SAMD5: variants seen among roughly 807,000 people sequenced by gnomAD.
SAMD5 encodes the protein sterile alpha motif domain-containing protein 5.
A neutral mutation model predicts 11.3 loss-of-function variants in SAMD5; 13 were observed. The observed-to-expected ratio is 1.15, with a 90% CI of 0.75 to 1.83. The LOEUF (loss-of-function observed/expected upper bound fraction) is 1.83, where lower values mean the gene tolerates loss of function less well. Among genes scored for constraint, SAMD5 ranks in the 40% most tolerant of loss-of-function variants. SAMD5 has a pLI of 0.00. For synonymous variants in SAMD5, 129 were observed against 111.3 expected (o/e 1.16, Z -1.00); for missense variants, 255 against 239.1 (o/e 1.07, Z -0.44).
chr6:147,692,411 C>T (rs1791116522), intron 1 of SAMD5: 2 of 152,162 alleles, frequency 1.3e-5, no homozygotes. Flanking sequence ...GCCTCATTTT[C>T]TTCTGTCACT....
chr6:147,747,635 C>G, the SAMD5 span, among the ~76,000 whole-genome samples: 1 of 152,126 alleles, frequency 6.6e-6, no homozygotes, highest in Admixed American at 6.5e-5. Flanking sequence ...CTCAGCCTCC[C>G]GTGTAGCTGG....
the SAMD5 span, among the ~76,000 whole-genome samples, chr6:147,869,212 G>A: frequency 6.6e-6 from 1 of 152,188 alleles, no homozygotes; most frequent in Non-Finnish European, 1.5e-5. Context: ...AGCTCTAAAT[G>A]AGGCACGAGT....
intron 1 of SAMD5, among the ~76,000 whole-genome samples, chr6:147,548,281 A>C (rs1788716812): frequency 6.6e-6 from 1 of 152,190 alleles, no homozygotes; most frequent in Non-Finnish European, 1.5e-5. Context: ...TGAATGGTTT[A>C]ATAGTTTTTG....
At chr6:147,538,375 C>T (rs1222387886) in intron 1 of SAMD5, among the ~76,000 whole-genome samples, 1 of 152,126 alleles carries the variant, frequency 6.6e-6, no homozygotes, top group Non-Finnish European at 1.5e-5. Flanking sequence ...ATTATATTCC[C>T]TCTAACAAAA....
At chr6:147,884,708 T>G in the SAMD5 span, among the ~76,000 whole-genome samples, 39 of 152,336 alleles carry the variant, frequency 2.6e-4, no homozygotes, top group African/African-American at 8.9e-4. Context: ...TAATCTTATT[T>G]TAATTTAATT....
the SAMD5 span, among the ~76,000 whole-genome samples, chr6:147,849,292 G>A: frequency 6.6e-6 from 1 of 151,550 alleles, no homozygotes; most frequent in South Asian, 2.1e-4. Flanking sequence ...TCACAGGTAC[G>A]GTTATGTATC....
the SAMD5 span, among the ~76,000 whole-genome samples, chr6:147,823,251 T>C: frequency 1.3e-5 from 2 of 152,232 alleles, no homozygotes; most frequent in East Asian, 3.8e-4. Flanking sequence ...GGCAGATTTC[T>C]GAAAAATACT....
At chr6:147,683,542 T>C (rs1790969171) in intron 1 of SAMD5, among the ~76,000 whole-genome samples, 1 of 152,230 alleles carries the variant, frequency 6.6e-6, no homozygotes, top group Admixed American at 6.5e-5. Context: ...CCTCCTCTTC[T>C]TCCTCCCCTT....
the SAMD5 span, among the ~76,000 whole-genome samples, chr6:147,865,910 C>T: frequency 2.0e-5 from 3 of 152,064 alleles, no homozygotes; most frequent in Middle Eastern, 3.4e-3. Context: ...ATATATTTTC[C>T]AAAGCATATT....
the SAMD5 span, among the ~76,000 whole-genome samples, chr6:147,819,733 G>C: frequency 0.09 from 13,671 of 152,232 alleles, 997 homozygotes; most frequent in African/African-American, 0.2. Context: ...GGGCTCCCCA[G>C]ATCTGTACCT....
At chr6:147,759,026 G>A in the SAMD5 span, among the ~76,000 whole-genome samples, 1 of 152,166 alleles carries the variant, frequency 6.6e-6, no homozygotes, top group South Asian at 2.1e-4. Context: ...AGAGGAATGG[G>A]GTAGGAGCTA....
At chr6:147,884,388 G>A in the SAMD5 span, among the ~76,000 whole-genome samples, 2 of 152,218 alleles carry the variant, frequency 1.3e-5, no homozygotes, top group African/African-American at 4.8e-5. Flanking sequence ...GACACCTGCA[G>A]TTGCAGAGTC....
the SAMD5 span, among the ~76,000 whole-genome samples, chr6:147,885,233 G>A: frequency 6.6e-6 from 1 of 152,084 alleles, no homozygotes; most frequent in Non-Finnish European, 1.5e-5. Context: ...CCAAGGAGGG[G>A]TAGTCATTTG....
chr6:147,645,917 G>T (rs1246874415), intron 1 of SAMD5, among the ~76,000 whole-genome samples: 1 of 152,174 alleles, frequency 6.6e-6, no homozygotes, highest in African/African-American at 2.4e-5. Flanking sequence ...TCATCAGTTT[G>T]TGATAGACTA....
the SAMD5 span, among the ~76,000 whole-genome samples, chr6:147,805,684 A>G: frequency 3.3e-5 from 5 of 152,186 alleles, no homozygotes; most frequent in African/African-American, 1.2e-4. Flanking sequence ...TCTTCCTTTC[A>G]ATAAGCTCAG....
chr6:147,656,651 G>A (rs1446901884), intron 1 of SAMD5, among the ~76,000 whole-genome samples: 1 of 152,140 alleles, frequency 6.6e-6, no homozygotes, highest in African/African-American at 2.4e-5. Flanking sequence ...AAATGAAATT[G>A]GAACAACACC....
At chr6:147,942,912 C>T in the SAMD5 span, among the ~76,000 whole-genome samples, 2 of 151,488 alleles carry the variant, frequency 1.3e-5, no homozygotes, top group Non-Finnish European at 2.9e-5. Flanking sequence ...GCCGCTGCCA[C>T]AAGTGATTCT....
At chr6:147,835,232 T>TAAAAAAAAAA in the SAMD5 span, among the ~76,000 whole-genome samples, 1 of 113,508 alleles carries the variant, frequency 8.8e-6, no homozygotes. Flanking sequence ...GACTCCATCT[T>TAAAAAAAAAA]AAAAAAAAAA....
the SAMD5 span, among the ~76,000 whole-genome samples, chr6:147,871,669 A>G: frequency 8.4e-4 from 128 of 152,326 alleles, 1 homozygote; most frequent in Middle Eastern, 3.4e-3. Flanking sequence ...GCTTATCTCT[A>G]GTGCTATCTA....
Sources: allele counts gnomAD v4.1 joint callset (sites outside exome capture counted in the v4.1 genomes callset), GRCh38; gene constraint gnomAD v4.1.1; transcripts MANE v1.5; gene names NCBI Gene and HGNC (gene_info 2026-07-23, HGNC 2026-07-21).